The following LRP1B variants were observed in gnomAD, a reference collection of about 807,000 sequenced individuals.
LRP1B encodes the protein LDL receptor related protein 1B.
In LRP1B, 217 loss-of-function variants were observed where a neutral mutation model predicts 556.6. That is an observed-to-expected ratio of 0.39 (90% confidence interval 0.35 to 0.44). The LOEUF (loss-of-function observed/expected upper bound fraction) is 0.44. LRP1B is among the 20% of genes least tolerant of loss of function. The pLI, the probability that LRP1B is intolerant of heterozygous loss-of-function variation, is 1.00. For synonymous variants in LRP1B, 2,047 were observed against 1,865.8 expected (o/e 1.10, Z -2.50); for missense variants, 5,053 against 5,620.8 (o/e 0.90, Z 3.23).
At chr2:142,039,685 G>A (rs536332053) in intron 1 of LRP1B, among the ~76,000 whole-genome samples, 2 of 151,654 alleles carry the variant, frequency 1.3e-5, no homozygotes, top group South Asian at 4.1e-4. Context: ...GGGAAAAGTA[G>A]AAGCAACAAT....
chr2:140,476,579 C>T (rs1252116471), intron 59 of LRP1B, among the ~76,000 whole-genome samples: 1 of 151,828 alleles, frequency 6.6e-6, no homozygotes, highest in Admixed American at 6.6e-5. Flanking sequence ...CAAAGCTAAC[C>T]TAAATAATCA....
intron 1 of LRP1B, among the ~76,000 whole-genome samples, chr2:141,957,592 C>A (rs1256049515): frequency 6.6e-6 from 1 of 151,930 alleles, no homozygotes. Flanking sequence ...ATTTTGTGCT[C>A]TTTTCCTATG....
intron 2 of LRP1B, among the ~76,000 whole-genome samples, chr2:141,508,406 C>T (rs567656459): frequency 1.3e-5 from 2 of 152,252 alleles, no homozygotes; most frequent in African/African-American, 4.8e-5. Flanking sequence ...TAGCATCTTG[C>T]CTAAATGGTT....
intron 41 of LRP1B, among the ~76,000 whole-genome samples, chr2:140,648,197 C>T (rs1284027602): frequency 6.6e-6 from 1 of 152,024 alleles, no homozygotes; most frequent in East Asian, 1.9e-4. Context: ...GGACAGAAAA[C>T]CAAACACCAC....
intron 7 of LRP1B, among the ~76,000 whole-genome samples, chr2:141,115,954 T>A (rs1370819326): frequency 2.0e-5 from 3 of 152,202 alleles, no homozygotes; most frequent in East Asian, 3.9e-4. Context: ...TTAAATAGAA[T>A]GTATATGTAT....
rs373435206 is a variant in LRP1B, at chr2:140,250,522, CT to C, written c.13248-3361del. 1.0e-3 allele frequency among the ~76,000 whole-genome samples: 148 copies of C among 146,396 alleles called. No homozygotes were observed. The Middle Eastern group carries it at 0.01, about 10-fold the overall frequency. On this transcript the variant is annotated intron_variant, in intron 86 of 90. Coordinates refer to ENST00000389484, the MANE Select transcript of LRP1B (RefSeq NM_018557.3). The stretch of plus-strand genomic sequence containing the variant: ...GTATTGATTTAACATTCTTTGACTT[CT>C]TTTTTTTTTTCCTAGCATTATTTAA...
At chr2:140,365,168 AT>A (rs1682700491) in intron 71 of LRP1B, among the ~76,000 whole-genome samples, 1 of 151,600 alleles carries the variant, frequency 6.6e-6, no homozygotes, top group African/African-American at 2.4e-5. Context: ...GGGAAAAGAC[AT>A]TTTTAGAATT....
At chr2:141,056,726 T>C (rs1414374172) in intron 9 of LRP1B, among the ~76,000 whole-genome samples, 1 of 151,894 alleles carries the variant, frequency 6.6e-6, no homozygotes, top group East Asian at 2.0e-4. Context: ...GGTGTTCACA[T>C]CCATAGTCAT....
intron 41 of LRP1B, among the ~76,000 whole-genome samples, chr2:140,685,031 A>C (rs1023688891): frequency 2.6e-5 from 4 of 152,138 alleles, no homozygotes; most frequent in Admixed American, 2.6e-4. Context: ...AAAATCTCCT[A>C]TAGTGTCCAT....
intron 27 of LRP1B, among the ~76,000 whole-genome samples, chr2:140,861,162 T>G (rs1182790397): frequency 6.6e-6 from 1 of 152,260 alleles, no homozygotes; most frequent in African/African-American, 2.4e-5. Flanking sequence ...ATCCCAGAAC[T>G]TTGGGAAGCC....
intron 2 of LRP1B, among the ~76,000 whole-genome samples, chr2:141,636,197 A>G (rs1187051914): frequency 6.6e-6 from 1 of 152,178 alleles, no homozygotes; most frequent in African/African-American, 2.4e-5. Context: ...CAACAGGTAT[A>G]TACTACTTAA....
At chr2:142,018,210 A>G (rs1288569586) in intron 1 of LRP1B, among the ~76,000 whole-genome samples, 1 of 152,174 alleles carries the variant, frequency 6.6e-6, no homozygotes, top group Non-Finnish European at 1.5e-5. Flanking sequence ...CCATAATAAC[A>G]TTATTGTCAT....
intron 2 of LRP1B, among the ~76,000 whole-genome samples, chr2:141,593,350 T>C (rs746126303): frequency 2.3e-4 from 35 of 152,176 alleles, no homozygotes; most frequent in Non-Finnish European, 3.7e-4. Flanking sequence ...TACTACTTTG[T>C]TGTTGTTAGC....
chr2:140,529,141 A>G (rs1412908356), intron 47 of LRP1B, among the ~76,000 whole-genome samples: 3 of 152,154 alleles, frequency 2.0e-5, no homozygotes, highest in East Asian at 1.9e-4. Context: ...AAAACACCCT[A>G]CAGCCACAGC....
At position 140,361,534 on chromosome 2, in the gene LRP1B, T is replaced by C. The variant is rs190668907; in HGVS notation, c.11132-2588A>G. ...GTTGTTTCCTATGTAAAAGTAATCA[T>C]TTTTCTGGAACTCATTTTCCCATGC... On this transcript the variant is annotated intron_variant, in intron 72 of 90. Transcript: ENST00000389484. 6.1e-3 allele frequency among the ~76,000 whole-genome samples: 916 copies of C among 150,872 alleles called. 30 individuals are homozygous for C. The highest frequency in any genetic ancestry group is 0.05 in the Admixed American group (758 of 15,032).
intron 3 of LRP1B, among the ~76,000 whole-genome samples, chr2:141,337,251 G>C (rs765067329): frequency 4.6e-5 from 7 of 152,150 alleles, no homozygotes; most frequent in Non-Finnish European, 8.8e-5. Flanking sequence ...TTGATTTATA[G>C]TGGTATGTCA....
rs374833738 is a variant in LRP1B, at chr2:140,555,760, ACAT to A, written c.7195-13792_7195-13790del. Among the ~76,000 whole-genome samples the A allele has an allele frequency of 2.9e-4, 44 of 152,264 alleles. 1 individual carries two copies. The East Asian group carries it at 4.4e-3, about 15-fold the overall frequency. ...TGCTTTTTAAACTTCTGATTTTATC[ACAT>A]CATCAAATCTATGCTTAGAGGTAAA... On this transcript the variant is annotated intron_variant, in intron 43 of 90. Coordinates refer to ENST00000389484, the MANE Select transcript of LRP1B (RefSeq NM_018557.3).
chr2:140,278,727 C>T (rs1682791845), intron 84 of LRP1B, among the ~76,000 whole-genome samples: 1 of 151,968 alleles, frequency 6.6e-6, no homozygotes, highest in Non-Finnish European at 1.5e-5. Context: ...TTAAGCCATG[C>T]CATTTTTTCC....
chr2:140,931,261 G>A (rs1004203051), intron 20 of LRP1B, among the ~76,000 whole-genome samples: 15 of 152,058 alleles, frequency 9.9e-5, no homozygotes, highest in African/African-American at 3.4e-4. Flanking sequence ...AGGTCATCTG[G>A]ATTTGCCATA....
Sources: allele counts gnomAD v4.1 joint callset (sites outside exome capture counted in the v4.1 genomes callset), GRCh38; gene constraint gnomAD v4.1.1; transcripts MANE v1.5; gene names NCBI Gene and HGNC (gene_info 2026-07-23, HGNC 2026-07-21).